Variants in ANKFN1 observed in about 807,000 individuals in gnomAD.
ANKFN1 encodes ankyrin repeat and fibronectin type-III domain-containing protein 1.
Under a neutral mutation model 108.7 loss-of-function variants are expected in ANKFN1, and 74 were observed. The ratio of observed to expected loss-of-function variants is 0.68; its 90% CI spans 0.56 to 0.83. The LOEUF (loss-of-function observed/expected upper bound fraction) is 0.83. Among genes scored for constraint, ANKFN1 ranks in the 40% least tolerant of loss-of-function variants. The pLI is 0.00. For missense variants in ANKFN1, 1,505 were observed against 1,382.3 expected, an observed-to-expected ratio of 1.09 and a Z score of -1.41; for synonymous variants, 547 against 516.2, an observed-to-expected ratio of 1.06 and a Z score of -0.81.
In ANKFN1 at chr17:56,510,922, G is replaced by C; in HGVS notation, c.3094G>C (p.Gly1032Arg). Reference sequence around the variant, plus strand: ...GACCCAGTCGCTATCGCTCTCTGAGGGCATTTATACACAGCACCTGTCCCA... The same window carrying C: ...GACCCAGTCGCTATCGCTCTCTGAGCGCATTTATACACAGCACCTGTCCCA... ...SETQSLSLSE[G>R]IYTQHLSQAC... Residue 1032 changes from glycine (G) to arginine (R), a missense_variant, in exon 21 of 21, where the codon GGC becomes CGC. By Grantham distance (125) the Gly-to-Arg change is moderately radical. Transcript: ENST00000682825. The C allele has an allele frequency of 6.5e-7, 1 of 1,536,164 alleles. No individual in the cohort carries two copies. The highest frequency in any genetic ancestry group is 8.7e-7 in the Non-Finnish European group (1 of 1,146,908).
chr17:56,498,431 T>C (rs1220514584), intron 19 of ANKFN1, among the ~76,000 whole-genome samples: 2 of 152,178 alleles, frequency 1.3e-5, no homozygotes, highest in Non-Finnish European at 2.9e-5. Flanking sequence ...TAATCTGGGA[T>C]ATAATAACCC....
At chr17:56,448,994 G>A in intron 10 of ANKFN1, 85 bp from the exon 11 acceptor site, 2 of 1,172,102 alleles carry the variant, frequency 1.7e-6, no homozygotes, top group Non-Finnish European at 2.5e-6. Flanking sequence ...GGTAGTATGA[G>A]CAAAACTCCG....
intron 6 of ANKFN1, among the ~76,000 whole-genome samples, chr17:56,354,759 C>T (rs948579749): frequency 5.9e-5 from 9 of 152,136 alleles, no homozygotes; most frequent in African/African-American, 2.2e-4. Context: ...AAAAATTCCA[C>T]ATGTAAGTGA....
intron 8 of ANKFN1, among the ~76,000 whole-genome samples, chr17:56,378,584 T>C (rs2047004011): frequency 1.3e-5 from 2 of 152,212 alleles, no homozygotes; most frequent in South Asian, 4.1e-4. Context: ...CTACCTTCAT[T>C]ACTAGGTTGA....
intron 1 of ANKFN1, among the ~76,000 whole-genome samples, chr17:56,171,919 C>G (rs779930593): frequency 6.6e-6 from 1 of 152,054 alleles, no homozygotes; most frequent in South Asian, 2.1e-4. Context: ...TATTTATCAC[C>G]CTAACATTTA....
At chr17:56,152,504 T>A (rs1007889483), upstream of ANKFN1, among the ~76,000 whole-genome samples, 4 of 152,084 alleles carry the variant, frequency 2.6e-5, no homozygotes, top group Admixed American at 2.6e-4. Flanking sequence ...ACATTCATGA[T>A]CAAGGGTAAT....
chr17:56,253,006 TG>T (rs1474289344), intron 3 of ANKFN1, among the ~76,000 whole-genome samples: 2 of 152,148 alleles, frequency 1.3e-5, no homozygotes, highest in Non-Finnish European at 2.9e-5. Context: ...AGGCTGTTAG[TG>T]AGCTATGTTT....
At chr17:56,279,717 G>A (rs996151626) in intron 3 of ANKFN1, among the ~76,000 whole-genome samples, 21 of 152,176 alleles carry the variant, frequency 1.4e-4, no homozygotes, top group African/African-American at 5.1e-4. Flanking sequence ...GGCTTGGGTT[G>A]GAAGCTGCAG....
intron 15 of ANKFN1, among the ~76,000 whole-genome samples, chr17:56,473,819 T>TA (rs142286643): frequency 0.049 from 7,428 of 152,134 alleles, 254 homozygotes; most frequent in Middle Eastern, 0.15. Context: ...GTAATAGTCT[T>TA]AAAAAATTGA....
chr17:56,133,472 A>T (rs1178916048), intron 4 of ANKFN1, among the ~76,000 whole-genome samples: 1 of 152,160 alleles, frequency 6.6e-6, no homozygotes, highest in African/African-American at 2.4e-5. Flanking sequence ...AGCCTTAAAA[A>T]TAGAATAGCA....
At chr17:56,311,389 G>A (rs1189950884) in intron 3 of ANKFN1, among the ~76,000 whole-genome samples, 3 of 152,176 alleles carry the variant, frequency 2.0e-5, no homozygotes, top group Non-Finnish European at 4.4e-5. Flanking sequence ...ATCAAGTACA[G>A]GTTGAGCATC....
At chr17:56,211,999 G>A (rs1318036560) in intron 1 of ANKFN1, among the ~76,000 whole-genome samples, 1 of 151,946 alleles carries the variant, frequency 6.6e-6, no homozygotes, top group African/African-American at 2.4e-5. Flanking sequence ...GGAGCTTTCT[G>A]GATGAGTCTT....
intron 4 of ANKFN1, among the ~76,000 whole-genome samples, chr17:56,053,945 C>T (rs1904821473): frequency 6.6e-6 from 1 of 152,114 alleles, no homozygotes; most frequent in South Asian, 2.1e-4. Flanking sequence ...TTTAGTGCGC[C>T]TGCCATCCAA....
chr17:56,265,454 C>T (rs2043624692), intron 3 of ANKFN1, among the ~76,000 whole-genome samples: 1 of 152,156 alleles, frequency 6.6e-6, no homozygotes, highest in Admixed American at 6.6e-5. Flanking sequence ...AGGTCCCTCC[C>T]TTGACATGTG....
intron 6 of ANKFN1, chr17:56,368,075 A>G (rs894545181): frequency 2.5e-5 from 20 of 807,408 alleles, no homozygotes; most frequent in African/African-American, 3.5e-5. Flanking sequence ...CATCAGATCC[A>G]GAGGCTAGTA....
chr17:56,307,226 T>C (rs541928735), intron 3 of ANKFN1, among the ~76,000 whole-genome samples: 1 of 152,198 alleles, frequency 6.6e-6, no homozygotes, highest in South Asian at 2.1e-4. Flanking sequence ...AATTGACAAA[T>C]GGGATCTAAT....
intron 8 of ANKFN1, among the ~76,000 whole-genome samples, chr17:56,428,460 T>A (rs1224379693): frequency 6.6e-6 from 1 of 150,622 alleles, no homozygotes; most frequent in East Asian, 1.9e-4. Context: ...GGAGCTTTTT[T>A]TCTTTTTTTT....
At chr17:56,108,179 G>A (rs1447044736) in intron 4 of ANKFN1, among the ~76,000 whole-genome samples, 1 of 152,188 alleles carries the variant, frequency 6.6e-6, no homozygotes, top group African/African-American at 2.4e-5. Flanking sequence ...GGGATTACAG[G>A]TGCACACCAC....
In ANKFN1 at chr17:56,511,086, C is replaced by T. The variant is rs1475027402; in HGVS notation, c.3258C>T (p.Ser1086=). ...GCAGTCTCCAGGACGCGAGGCCTTC[C>T]GTCCGCCGCCTCTACGTGGAGCCCT... ...RNSSLQDARP[S]VRRLYVEPYA... is the part of the protein sequence containing the mutation. Residue 1086 remains serine (S), a synonymous_variant, in exon 21 of 21, where the codon TCC becomes TCT. Transcript: ENST00000682825. The T allele has an allele frequency of 1.3e-6, 2 of 1,535,972 alleles. No individual in the cohort carries two copies. Among genetic ancestry groups the T allele is most frequent in the Non-Finnish European group, 1.7e-6 (2 of 1,146,838 alleles).
Sources: allele counts gnomAD v4.1 joint callset (sites outside exome capture counted in the v4.1 genomes callset), GRCh38; gene constraint gnomAD v4.1.1; transcripts MANE v1.5; gene names NCBI Gene and HGNC (gene_info 2026-07-23, HGNC 2026-07-21).